Variants in URGCP observed in about 807,000 individuals in gnomAD.
URGCP encodes the protein upregulator of cell proliferation.
URGCP carries 13 observed loss-of-function variants against 24.6 expected under a neutral mutation model. The ratio of observed to expected loss-of-function variants is 0.53; its 90% confidence interval spans 0.34 to 0.84. The LOEUF (loss-of-function observed/expected upper bound fraction) is 0.84. Ranked by LOEUF, URGCP falls within the 40% of genes least tolerant of loss-of-function variation. The pLI is 0.01. For missense variants in URGCP, 899 were observed against 1,194.3 expected, an observed-to-expected ratio of 0.75 and a Z score of 3.64; for synonymous variants, 444 against 487.2, an observed-to-expected ratio of 0.91 and a Z score of 1.17.
intron 1 of URGCP, among the ~76,000 whole-genome samples, chr7:43,914,205 G>T (rs1368280161): frequency 1.3e-5 from 2 of 152,018 alleles, no homozygotes. Flanking sequence ...GGTGGCTTTT[G>T]AAAGTTTAAT....
At chr7:43,890,007 C>A in intron 1 of URGCP, among the ~76,000 whole-genome samples, 1 of 151,558 alleles carries the variant, frequency 6.6e-6, no homozygotes, top group Non-Finnish European at 1.5e-5. Flanking sequence ...TGGGTTCATG[C>A]AATTCTCCTG....
rs564096151 is a variant in URGCP at position 43,919,772 on chromosome 7, G to A, written c.-116+6360C>T. 492 of 1,355,568 alleles carry A rather than the reference G, an allele frequency of 3.6e-4. 1 individual carries two copies. The African/African-American group carries it at 5.5e-3, about 15-fold the overall frequency. 84.0% of individuals were successfully genotyped at this position (1,355,568 alleles called of 1,614,324 possible). A position where few individuals can be genotyped will look rare whatever the true frequency, so the allele number is the denominator to read the frequency against. ...TGTTGGGCCCCACCAGCATCCAGGTGGCCCTGTCGAGGAAGTCTCCTTACC... is the reference window on the plus strand; with the variant it reads ...TGTTGGGCCCCACCAGCATCCAGGTAGCCCTGTCGAGGAAGTCTCCTTACC... On this transcript the variant is annotated intron_variant, in intron 1 of 5. Transcript: ENST00000426198.
intron 1 of URGCP, among the ~76,000 whole-genome samples, chr7:43,922,641 C>T (rs939357776): frequency 1.3e-5 from 2 of 152,124 alleles, no homozygotes; most frequent in African/African-American, 4.8e-5. Flanking sequence ...CTCACAGCAA[C>T]CTCAACCTCC....
chr7:43,920,106 C>A, intron 1 of URGCP: 1 of 984,358 alleles, frequency 1.0e-6, no homozygotes, highest in Non-Finnish European at 1.5e-6. Context: ...TTGACCAAGG[C>A]CCTGCCTGAC....
intron 1 of URGCP, among the ~76,000 whole-genome samples, chr7:43,922,914 C>T (rs1470430870): frequency 6.6e-6 from 1 of 151,324 alleles, no homozygotes; most frequent in Admixed American, 6.6e-5. Context: ...CTTTCTTTCT[C>T]TTTCTTTCCG....
At chr7:43,919,991 CA>C in intron 1 of URGCP, 4 of 1,341,602 alleles carry the variant, frequency 3.0e-6, no homozygotes, top group Non-Finnish European at 3.2e-6. Context: ...GATTGTGCAG[CA>C]GCTCATGGAT....
intron 1 of URGCP, chr7:43,906,122 C>G (rs2095901792): frequency 6.6e-6 from 1 of 152,284 alleles, no homozygotes. Flanking sequence ...CCAACGCGAG[C>G]AAGTTTAAAA....
chr7:43,892,928 T>C (rs527443482), intron 1 of URGCP, among the ~76,000 whole-genome samples: 1 of 152,240 alleles, frequency 6.6e-6, no homozygotes, highest in South Asian at 2.1e-4. Context: ...GGGAATGTTA[T>C]ATCTGAAAGC....
upstream of URGCP, among the ~76,000 whole-genome samples, chr7:43,907,863 C>A (rs1198771749): frequency 6.6e-6 from 1 of 152,198 alleles, no homozygotes; most frequent in East Asian, 1.9e-4. Flanking sequence ...TCCTTGTCCT[C>A]TTCGGTAAAG....
rs1379068898 is a variant in URGCP, at chr7:43,883,360, A to ATT, written c.113-1404_113-1403insAA. On this transcript the variant is annotated intron_variant, in intron 3 of 5. Transcript: ENST00000453200. ...TACATATATATATATATATATATAT[A>ATT]TATTTTTTTTTTTTTTTTGAGATGG... Among the ~76,000 whole-genome samples, 661 of 98,144 alleles carry ATT rather than the reference A, an allele frequency of 6.7e-3. 13 individuals carry two copies. Among genetic ancestry groups the ATT allele is most frequent in the African/African-American group, 0.026 (478 of 18,726 alleles). 64.4% of individuals were successfully genotyped at this position (98,144 alleles called of 152,430 possible).
chr7:43,918,140 G>C (rs1419963592), intron 1 of URGCP, among the ~76,000 whole-genome samples: 4 of 151,822 alleles, frequency 2.6e-5, no homozygotes, highest in African/African-American at 4.8e-5. Flanking sequence ...TGGGCATGGT[G>C]GTGGGTGCCT....
chr7:43,900,347 C>T (rs1356848348), intron 1 of URGCP, among the ~76,000 whole-genome samples: 4 of 150,624 alleles, frequency 2.7e-5, no homozygotes, highest in Non-Finnish European at 5.9e-5. Flanking sequence ...CCCAGCTACT[C>T]AGGAGGCTGA....
At chr7:43,901,239 C>G (rs2095890095) in intron 1 of URGCP, among the ~76,000 whole-genome samples, 1 of 152,198 alleles carries the variant, frequency 6.6e-6, no homozygotes, top group East Asian at 1.9e-4. Flanking sequence ...ACTCGTGGTT[C>G]CGGATGAGAG....
In URGCP at chr7:43,876,695, T is replaced by A. The variant is rs747772435; in HGVS notation, c.2768A>T (p.Gln923Leu). The change falls in exon 6 of 6, where the codon CAG (glutamine) becomes CTG (leucine). Residue 923 changes from glutamine to leucine, a missense_variant. By Grantham distance (113) the Gln-to-Leu change is moderately radical. Transcript: ENST00000453200. ...CAGCCGTCTCACCAGCTCAATGAGCTGCTGGATGTTTTTGTTTTGGTTCGA... is the reference window on the plus strand; with the variant it reads ...CAGCCGTCTCACCAGCTCAATGAGCAGCTGGATGTTTTTGTTTTGGTTCGA... ...GLSNQNKNIQ[Q>L]LIELVRRL 2 of 1,614,226 alleles carry A rather than the reference T, an allele frequency of 1.2e-6. No homozygotes were observed. Among genetic ancestry groups the A allele is most frequent in the Admixed American group, 3.3e-5 (2 of 60,030 alleles).
In URGCP at chr7:43,878,151, C is replaced by T; in HGVS notation, c.1312G>A (p.Val438Met). ...ACCCGCCTGCAGGGTGCCCGCAGCACATTCCCAACGATGGCCCGGATCCTC... is the reference window on the plus strand; with the variant it reads ...ACCCGCCTGCAGGGTGCCCGCAGCATATTCCCAACGATGGCCCGGATCCTC... ...VKRIRAIVGN[V>M]LRAPCRRVSV... is the part of the protein sequence containing the mutation. The change falls in exon 6 of 6, where the codon GTG (valine) becomes ATG (methionine). Residue 438 changes from valine (V) to methionine (M), a missense_variant. Physicochemically the swap from Val to Met is conservative, Grantham distance 21. Coordinates refer to ENST00000453200, the MANE Select transcript of URGCP (RefSeq NM_001077663.3). The surrounding 1 kb of genome is among the most constrained non-coding windows in gnomAD (Gnocchi z 5.6). 6.2e-7 allele frequency: 1 copy of T among 1,614,256 alleles called. No individual in the cohort carries two copies. Among genetic ancestry groups the T allele is most frequent in the Non-Finnish European group, 8.5e-7 (1 of 1,180,048 alleles).
chr7:43,912,392 G>A (rs528279209), intron 1 of URGCP, among the ~76,000 whole-genome samples: 13 of 152,222 alleles, frequency 8.5e-5, no homozygotes, highest in African/African-American at 2.6e-4. Context: ...CCAGCTACTC[G>A]GGAGGCTAAG....
At chr7:43,919,478 C>A in intron 1 of URGCP, 2 of 1,085,040 alleles carry the variant, frequency 1.8e-6, no homozygotes, top group Non-Finnish European at 2.9e-6. Context: ...TCGCCTCACT[C>A]ATTCCCACCC....
intron 1 of URGCP, among the ~76,000 whole-genome samples, chr7:43,923,889 T>G (rs79425727): frequency 2.0e-5 from 3 of 152,248 alleles, no homozygotes; most frequent in African/African-American, 7.2e-5. Context: ...ATTTTTTTTT[T>G]GAGACACAGT....
chr7:43,895,870 A>G (rs921549779), intron 1 of URGCP, among the ~76,000 whole-genome samples: 1 of 152,242 alleles, frequency 6.6e-6, no homozygotes, highest in African/African-American at 2.4e-5. Flanking sequence ...GTGTGTGTCA[A>G]AGGAATATGT....
Sources: gnomAD v4.1 joint callset for allele counts (sites outside exome capture counted in the v4.1 genomes callset) on GRCh38, gnomAD v4.1.1 for gene constraint, Gnocchi (gnomAD v3.1) non-coding constraint, MANE v1.5 for transcripts, NCBI Gene and HGNC (gene_info 2026-07-23, HGNC 2026-07-21) for gene names.